RBFOX3: variants seen among roughly 807,000 people sequenced by gnomAD.
The protein encoded by RBFOX3 is RNA binding protein fox-1 homolog 3.
In RBFOX3, 17 loss-of-function variants were observed where a neutral mutation model predicts 48.7. That is an observed-to-expected ratio of 0.35 (90% confidence interval 0.24 to 0.52). The LOEUF (loss-of-function observed/expected upper bound fraction) is 0.52. Among genes scored for constraint, RBFOX3 ranks in the 20% least tolerant of loss-of-function variants. The pLI is 0.94. For synonymous variants in RBFOX3, 212 were observed against 209.5 expected (o/e 1.01, Z -0.10); for missense variants, 382 against 497.5 (o/e 0.77, Z 2.21).
At chr17:79,117,587 T>G (rs1162879690) in intron 4 of RBFOX3, among the ~76,000 whole-genome samples, 1 of 152,166 alleles carries the variant, frequency 6.6e-6, no homozygotes, top group African/African-American at 2.4e-5. Context: ...CTCTGGGCAG[T>G]GCCTCCCCTG....
the RBFOX3 span, among the ~76,000 whole-genome samples, chr17:79,618,737 T>G: frequency 6.6e-6 from 1 of 152,230 alleles, no homozygotes; most frequent in Non-Finnish European, 1.5e-5. Flanking sequence ...GATTTCTCTG[T>G]GCTTCCCAAG....
chr17:79,281,533 GACTAT>G (rs1438053817), intron 3 of RBFOX3, among the ~76,000 whole-genome samples: 2 of 152,332 alleles, frequency 1.3e-5, no homozygotes, highest in Admixed American at 6.5e-5. Context: ...GCTTAGAGAA[GACTAT>G]CTAGGTGCCT....
At chr17:79,404,159 T>A (rs1468164508) in intron 2 of RBFOX3, among the ~76,000 whole-genome samples, 3 of 152,160 alleles carry the variant, frequency 2.0e-5, no homozygotes, top group Non-Finnish European at 4.4e-5. Context: ...CCACTCTCAG[T>A]TGAACACACA....
Position 79,199,538 on chromosome 17 carries a change from T to C in RBFOX3, c.-34+36228A>G, listed in dbSNP as rs2056388403. On this transcript the variant is annotated intron_variant, in intron 4 of 14. Transcript: ENST00000693108. The surrounding 1 kb of genome is among the most constrained non-coding windows in gnomAD (Gnocchi z 5.1). ...CCAGTCACTGACTTAGGGCTGCCAG[T>C]GACCTCTGTGGTGGGAACAGGTGAC... Among the ~76,000 whole-genome samples, 1 of 152,214 alleles carries C rather than the reference T, an allele frequency of 6.6e-6. No homozygotes were observed. Among genetic ancestry groups the C allele is most frequent in the African/African-American group, 2.4e-5 (1 of 41,462 alleles).
chr17:79,554,781 C>A lies in RBFOX3; in HGVS notation c.-320+56045G>T, dbSNP rs1008020425. 9.3e-4 allele frequency among the ~76,000 whole-genome samples: 142 copies of A among 152,346 alleles called. 1 individual carries two copies. The highest frequency in any genetic ancestry group is 1.0e-3 in the Non-Finnish European group (68 of 68,026). On this transcript the variant is annotated intron_variant, in intron 1 of 14. Coordinates refer to ENST00000693108, the MANE Select transcript of RBFOX3 (RefSeq NM_001350451.2). ...TAAAACCAATATTTGAATATTAATTCTATTCCAGGCTCTGTGTTAGGTTCT... is the reference window on the plus strand; with the variant it reads ...TAAAACCAATATTTGAATATTAATTATATTCCAGGCTCTGTGTTAGGTTCT...
At chr17:79,615,695 C>T (rs1568456531), upstream of RBFOX3, among the ~76,000 whole-genome samples, 4 of 152,254 alleles carry the variant, frequency 2.6e-5, 1 homozygote, top group South Asian at 2.1e-4. Context: ...ACCCTCATTT[C>T]GCCCCATGGA....
chr17:79,467,889 CT>C (rs1380252824), intron 2 of RBFOX3, among the ~76,000 whole-genome samples: 1 of 152,080 alleles, frequency 6.6e-6, no homozygotes, highest in Admixed American at 6.5e-5. Context: ...CCACCACGCC[CT>C]CTGACCCTCT....
At chr17:79,558,819 G>A (rs2091969541) in intron 1 of RBFOX3, among the ~76,000 whole-genome samples, 1 of 152,216 alleles carries the variant, frequency 6.6e-6, no homozygotes, top group Admixed American at 6.5e-5. Flanking sequence ...GAAGGACATT[G>A]ACAATGGTGG....
chr17:79,459,532 G>C (rs2075087846), intron 2 of RBFOX3, among the ~76,000 whole-genome samples: 1 of 152,172 alleles, frequency 6.6e-6, no homozygotes, highest in African/African-American at 2.4e-5. Context: ...GGTACTCCAG[G>C]CTGCAGGACA....
chr17:79,286,483 A>C (rs944717314), intron 3 of RBFOX3, among the ~76,000 whole-genome samples: 3 of 152,190 alleles, frequency 2.0e-5, no homozygotes, highest in Admixed American at 1.3e-4. Context: ...TGTTGAACAG[A>C]AAACGCTGAG....
intron 2 of RBFOX3, among the ~76,000 whole-genome samples, chr17:79,452,039 T>A (rs1468167667): frequency 6.6e-6 from 1 of 152,192 alleles, no homozygotes; most frequent in Non-Finnish European, 1.5e-5. Flanking sequence ...TCCCTGTGGC[T>A]ACAGGGGAGG....
intron 1 of RBFOX3, among the ~76,000 whole-genome samples, chr17:79,576,480 A>G (rs2092863757): frequency 6.6e-6 from 1 of 152,108 alleles, no homozygotes; most frequent in Non-Finnish European, 1.5e-5. Context: ...GATGGACAAC[A>G]TGGAGAAGAT....
chr17:79,578,416 A>T (rs1444523721), intron 1 of RBFOX3, among the ~76,000 whole-genome samples: 5 of 152,268 alleles, frequency 3.3e-5, no homozygotes, highest in African/African-American at 1.2e-4. Flanking sequence ...CTCCCTGCAC[A>T]TCCTCTTCTG....
At chr17:79,167,075 C>T (rs972380490) in intron 4 of RBFOX3, among the ~76,000 whole-genome samples, 1 of 152,232 alleles carries the variant, frequency 6.6e-6, no homozygotes, top group Non-Finnish European at 1.5e-5. Flanking sequence ...ACCCCCACGA[C>T]AGACGCGCTC....
intron 2 of RBFOX3, among the ~76,000 whole-genome samples, chr17:79,333,869 T>A (rs970280082): frequency 6.6e-6 from 1 of 152,052 alleles, no homozygotes; most frequent in Non-Finnish European, 1.5e-5. Context: ...AGAGGCATCA[T>A]CCTGGGACCT....
intron 2 of RBFOX3, among the ~76,000 whole-genome samples, chr17:79,329,478 G>A (rs575599794): frequency 1.3e-5 from 2 of 152,210 alleles, no homozygotes; most frequent in East Asian, 1.9e-4. Flanking sequence ...ATGGTGTTAC[G>A]TGGCCACGCC....
chr17:79,157,028 G>C lies in RBFOX3; in HGVS notation c.-33-41280C>G, dbSNP rs142512499. On this transcript the variant is annotated intron_variant, in intron 4 of 14. Transcript: ENST00000693108. ...CCCTGGCCAGAGCAGCAGCCCCTGCGCTCTCCTCAGCCGCTGCTGTGGGCC... is the reference window on the plus strand; with the variant it reads ...CCCTGGCCAGAGCAGCAGCCCCTGCCCTCTCCTCAGCCGCTGCTGTGGGCC... Among the ~76,000 whole-genome samples the C allele has an allele frequency of 2.9e-3, 447 of 152,296 alleles. 2 individuals carry two copies. The highest frequency in any genetic ancestry group is 9.9e-3 in the African/African-American group (412 of 41,572).
At chr17:79,467,690 G>A (rs1225036463) in intron 2 of RBFOX3, among the ~76,000 whole-genome samples, 4 of 152,168 alleles carry the variant, frequency 2.6e-5, no homozygotes, top group Admixed American at 6.5e-5. Context: ...GAGTGCCAGC[G>A]TCCCTGGAAC....
chr17:79,269,676 C>A (rs891771972), intron 3 of RBFOX3, among the ~76,000 whole-genome samples: 1 of 152,056 alleles, frequency 6.6e-6, no homozygotes, highest in Admixed American at 6.5e-5. Context: ...CTCCCTGCAC[C>A]CCCCACCTCT....
Sources: gnomAD v4.1 joint callset for allele counts (sites outside exome capture counted in the v4.1 genomes callset) on GRCh38, gnomAD v4.1.1 for gene constraint, Gnocchi (gnomAD v3.1) non-coding constraint, MANE v1.5 for transcripts, NCBI Gene and HGNC (gene_info 2026-07-23, HGNC 2026-07-21) for gene names.